Variants in PCDHGA5 observed in about 807,000 individuals in gnomAD.
The protein encoded by PCDHGA5 is protocadherin gamma subfamily A, 5.
A neutral mutation model predicts 56.7 loss-of-function variants in PCDHGA5; 36 were observed. The ratio of observed to expected loss-of-function variants is 0.64; its 90% CI spans 0.49 to 0.84. The LOEUF (loss-of-function observed/expected upper bound fraction) is 0.84, where lower values mean the gene tolerates loss of function less well. Ranked by LOEUF, PCDHGA5 falls within the 40% of genes least tolerant of loss-of-function variation. The probability of loss-of-function intolerance (pLI) is 0.00; values close to 1 mark genes in which losing one functional copy is unlikely to be tolerated. For missense variants in PCDHGA5, 1,305 were observed against 1,201.5 expected (o/e 1.09, Z -1.27); for synonymous variants, 563 against 520.2 (o/e 1.08, Z -1.12).
intron 2 of PCDHGA5, among the ~76,000 whole-genome samples, chr5:141,496,557 C>T (rs190275684): frequency 2.0e-5 from 3 of 152,258 alleles, no homozygotes; most frequent in Admixed American, 1.3e-4. Flanking sequence ...TGGGCATGCA[C>T]AGTCCTGTCA....
At chr5:141,475,884 G>C (rs998700290) in intron 1 of PCDHGA5, 1 of 557,810 alleles carries the variant, frequency 1.8e-6, no homozygotes, top group Non-Finnish European at 3.2e-6. Flanking sequence ...TATTGGCTGG[G>C]ACTCTGTGTG....
At position 141,366,198 on chromosome 5, in the gene PCDHGA5, C is replaced by T. The variant is rs187196267; in HGVS notation, c.1868C>T (p.Thr623Met). ...EPGLFAVGLHTGEVRTARALL... is the reference protein window; with the variant it reads ...EPGLFAVGLHMGEVRTARALL... ...GGACTCTTTGCGGTTGGGCTGCACA[C>T]GGGCGAGGTGCGCACAGCGCGAGCC... The change falls in exon 1 of 4, where the codon ACG becomes ATG. Residue 623 changes from threonine (T) to methionine (M), a missense_variant. By Grantham distance (81) the Thr-to-Met change is moderately conservative (BLOSUM62 -1). Transcript: ENST00000518069. 35 of 1,613,892 alleles carry T rather than the reference C, an allele frequency of 2.2e-5. No individual in the cohort carries two copies. The highest frequency in any genetic ancestry group is 2.7e-5 in the African/African-American group (2 of 75,082).
chr5:141,366,507 A>C lies in PCDHGA5; in HGVS notation c.2177A>C (p.Gln726Pro). 2 of 1,614,238 alleles carry C rather than the reference A, an allele frequency of 1.2e-6. No individual in the cohort carries two copies. The highest frequency in any genetic ancestry group is 8.5e-7 in the Non-Finnish European group (1 of 1,180,038). ...LRRWHKSRLL[Q>P]AEGSRLAGVP... ...CGCTGGCACAAGTCACGCCTGCTTC[A>C]GGCTGAAGGCAGCAGGTTGGCGGGT... Residue 726 changes from glutamine (Q) to proline (P), a missense_variant, in exon 1 of 4, where the codon CAG becomes CCG. Coordinates refer to ENST00000518069, the MANE Select transcript of PCDHGA5 (RefSeq NM_018918.3).
In PCDHGA5 at chr5:141,491,556, C is replaced by T. The variant is rs2099720720; in HGVS notation, c.2422-3251C>T. The T allele has an allele frequency of 1.2e-6, 2 of 1,613,848 alleles. No homozygotes were observed. The highest frequency in any genetic ancestry group is 1.7e-5 in the Admixed American group (1 of 60,000). ...TGCGGCCCACAGACTCGCAGAGCCA[C>T]TGCTACAGGACGTGCTTTTCACCGG... On this transcript the variant is annotated intron_variant, in intron 1 of 3. Transcript: ENST00000518069. The surrounding 1 kb of genome is among the most constrained non-coding windows in gnomAD (Gnocchi z 6.9).
chr5:141,419,561 G>T, intron 1 of PCDHGA5: 1 of 1,611,846 alleles, frequency 6.2e-7, no homozygotes. Flanking sequence ...CCCTGCGCTG[G>T]GTCCCGACGG....
At chr5:141,421,955 T>A in intron 1 of PCDHGA5, 1 of 1,612,914 alleles carries the variant, frequency 6.2e-7, no homozygotes, top group South Asian at 1.1e-5. Context: ...ATCCCAATGT[T>A]TACACAGTCC....
In PCDHGA5 at chr5:141,477,211, C is replaced by T. The variant is rs1282763530; in HGVS notation, c.2422-17596C>T. On this transcript the variant is annotated intron_variant, in intron 1 of 3. Coordinates refer to ENST00000518069, the MANE Select transcript of PCDHGA5 (RefSeq NM_018918.3). The surrounding 1 kb of genome is among the most constrained non-coding windows in gnomAD (Gnocchi z 4.9). ...TGTACAGCCCAGTACCCGAGGATGC[C>T]CCTCTGGGGACTGTCATCGCTTTGC... 2 of 1,614,154 alleles carry T rather than the reference C, an allele frequency of 1.2e-6. No individual in the cohort carries two copies. Among genetic ancestry groups the T allele is most frequent in the East Asian group, 4.5e-5 (2 of 44,870 alleles).
At chr5:141,411,771 A>C (rs2095514402) in intron 1 of PCDHGA5, 1 of 151,946 alleles carries the variant, frequency 6.6e-6, no homozygotes, top group Non-Finnish European at 1.5e-5. Flanking sequence ...GGTCTCAGCT[A>C]CTCTGGTGGC....
chr5:141,364,723 G>C lies in PCDHGA5; in HGVS notation c.393G>C (p.Pro131=). 1 of 1,613,938 alleles carries C rather than the reference G, an allele frequency of 6.2e-7. No individual in the cohort carries two copies. Residue 131 remains proline, a synonymous_variant, in exon 1 of 4, where the codon CCG becomes CCC. Transcript: ENST00000518069. ...TAATCGATATTAATGATAACTTCCC[G>C]CGTTTCCGGGATGAAGAGTTAAAAG... ...VEIIDINDNF[P]RFRDEELKVK...
chr5:141,384,154 A>G, intron 1 of PCDHGA5: 3 of 1,613,512 alleles, frequency 1.9e-6, no homozygotes, highest in Non-Finnish European at 2.5e-6. Flanking sequence ...CTCTTTGTAT[A>G]ACATCACACT....
intron 1 of PCDHGA5, among the ~76,000 whole-genome samples, chr5:141,380,010 C>T (rs1404064282): frequency 6.7e-6 from 1 of 148,282 alleles, no homozygotes; most frequent in Admixed American, 6.9e-5. Flanking sequence ...AGCGATTCTC[C>T]TGCCTCAGCC....
Position 141,490,109 on chromosome 5 carries a change from G to A in PCDHGA5, c.2422-4698G>A, listed in dbSNP as rs775286436. The A allele has an allele frequency of 3.4e-5, 55 of 1,614,114 alleles. No homozygotes were observed. Among genetic ancestry groups the A allele is most frequent in the African/African-American group, 8.0e-5 (6 of 74,940 alleles). ...GGAGACCACACATCTGAGGCAGTGC[G>A]GAACCTCTTTGGCCTAGACCCTAGC... On this transcript the variant is annotated intron_variant, in intron 1 of 3. Coordinates refer to ENST00000518069, the MANE Select transcript of PCDHGA5 (RefSeq NM_018918.3). This position sits in a 1 kb window ranked among gnomAD's most constrained non-coding sequence, Gnocchi z 5.4.
Position 141,489,752 on chromosome 5 carries a change from C to G in PCDHGA5, c.2422-5055C>G. ...GGCACCAATACTGTGAGCTTTTACA[C>G]TCTAAGCCCCAACAGCCACTTCTCT... On this transcript the variant is annotated intron_variant, in intron 1 of 3. Coordinates refer to ENST00000518069, the MANE Select transcript of PCDHGA5 (RefSeq NM_018918.3). This position sits in a 1 kb window ranked among gnomAD's most constrained non-coding sequence, Gnocchi z 4.5. The G allele has an allele frequency of 6.2e-7, 1 of 1,614,136 alleles. No individual in the cohort carries two copies. The highest frequency in any genetic ancestry group is 8.5e-7 in the Non-Finnish European group (1 of 1,179,972).
intron 1 of PCDHGA5, among the ~76,000 whole-genome samples, chr5:141,462,819 A>G (rs1182498111): frequency 6.6e-6 from 1 of 152,210 alleles, no homozygotes; most frequent in East Asian, 1.9e-4. Context: ...TTTATTGGAC[A>G]GCAGACATTG....
intron 1 of PCDHGA5, chr5:141,371,871 G>A (rs1298727306): frequency 1.9e-6 from 3 of 1,613,400 alleles, no homozygotes; most frequent in African/African-American, 2.7e-5. Flanking sequence ...CTACATCGTG[G>A]CCAGTGACCT....
rs1001555249 is a variant in PCDHGA5, at chr5:141,486,728, G to A, written c.2422-8079G>A. The A allele has an allele frequency of 1.2e-6, 2 of 1,614,200 alleles. No homozygotes were observed. The highest frequency in any genetic ancestry group is 1.7e-6 in the Non-Finnish European group (2 of 1,180,052). On this transcript the variant is annotated intron_variant, in intron 1 of 3. Transcript: ENST00000518069. This position sits in a 1 kb window ranked among gnomAD's most constrained non-coding sequence, Gnocchi z 5.0. Reference sequence around the variant, plus strand: ...GAACCCCCAGACAGGAGCTGTTCATGCTACTCGATCCTTTGACTATGAGCA... The same window carrying A: ...GAACCCCCAGACAGGAGCTGTTCATACTACTCGATCCTTTGACTATGAGCA...
At chr5:141,374,150 C>T in intron 1 of PCDHGA5, 1 of 1,611,806 alleles carries the variant, frequency 6.2e-7, no homozygotes, top group Non-Finnish European at 8.5e-7. Context: ...CCTGGGGACG[C>T]TGTGGGGGGC....
chr5:141,370,473 C>T (rs1248894639), intron 1 of PCDHGA5: 2 of 1,613,496 alleles, frequency 1.2e-6, no homozygotes, highest in Non-Finnish European at 1.7e-6. Flanking sequence ...TTTGTTAGAC[C>T]AGGCTCTCTC....
intron 1 of PCDHGA5, chr5:141,375,669 A>T (rs755513841): frequency 1.8e-5 from 29 of 1,614,240 alleles, no homozygotes; most frequent in Non-Finnish European, 2.4e-5. Context: ...AGAGACCTAC[A>T]GCTGTGGGTG....
Sources: allele counts gnomAD v4.1 joint callset (sites outside exome capture counted in the v4.1 genomes callset), GRCh38; gene constraint gnomAD v4.1.1; non-coding constraint Gnocchi (gnomAD v3.1); transcripts MANE v1.5; gene names NCBI Gene and HGNC (gene_info 2026-07-23, HGNC 2026-07-21).